SNTG2: variants seen among roughly 807,000 people sequenced by gnomAD.
The protein encoded by SNTG2 is syntrophin gamma 2, also known as gamma-2-syntrophin.
A neutral mutation model predicts 70.9 loss-of-function variants in SNTG2; 74 were observed. That is an observed-to-expected ratio of 1.04 (90% CI 0.86 to 1.27). SNTG2 has a LOEUF of 1.27. SNTG2 is among the 50% of genes most tolerant of loss of function. SNTG2 has a pLI of 0.00. For missense variants in SNTG2, 717 were observed against 690.7 expected (o/e 1.04, Z -0.43); for synonymous variants, 278 against 273.8 (o/e 1.02, Z -0.15).
At chr2:1,125,799 G>A (rs930938912) in intron 4 of SNTG2, among the ~76,000 whole-genome samples, 4 of 152,130 alleles carry the variant, frequency 2.6e-5, no homozygotes, top group African/African-American at 4.8e-5. Flanking sequence ...AGGATATGAT[G>A]ATAGAATGAA....
rs1310537566 is a variant in SNTG2 at position 1,316,844 on chromosome 2, G to C, written c.1488+469G>C. Reference sequence around the variant, plus strand: ...AGCATTTAGCATGAGGCCAGCATTGGAGAAGGCTGGGATTCTGGAGCGTTT... The same window carrying C: ...AGCATTTAGCATGAGGCCAGCATTGCAGAAGGCTGGGATTCTGGAGCGTTT... On this transcript the variant is annotated intron_variant, in intron 16 of 16. Coordinates refer to ENST00000308624, the MANE Select transcript of SNTG2 (RefSeq NM_018968.4). 2.0e-5 allele frequency among the ~76,000 whole-genome samples: 2 copies of C among 100,604 alleles called. 1 individual carries two copies. The highest frequency in any genetic ancestry group is 4.4e-5 in the Non-Finnish European group (2 of 45,672). 66.0% of individuals were successfully genotyped at this position (100,604 alleles called of 152,430 possible).
At chr2:1,192,378 G>C (rs1672649314) in intron 8 of SNTG2, among the ~76,000 whole-genome samples, 1 of 152,164 alleles carries the variant, frequency 6.6e-6, no homozygotes, top group Non-Finnish European at 1.5e-5. Flanking sequence ...TTATTACAAG[G>C]GGTGTTCCCT....
In SNTG2 at chr2:1,072,332, C is replaced by CTTTTTTTTT. The variant is rs1242829771; in HGVS notation, c.73-11182_73-11181insTTTTTTTTT. 6.0e-5 allele frequency among the ~76,000 whole-genome samples: 6 copies of CTTTTTTTTT among 100,378 alleles called. 1 individual carries two copies. Among genetic ancestry groups the CTTTTTTTTT allele is most frequent in the East Asian group, 3.0e-4 (1 of 3,382 alleles). 65.9% of individuals were successfully genotyped at this position (100,378 alleles called of 152,430 possible). A position where few individuals can be genotyped will look rare whatever the true frequency, so the allele number is the denominator to read the frequency against. On this transcript the variant is annotated intron_variant, in intron 1 of 16. Transcript: ENST00000308624. ...AGCCAGTGATTTTCTTTTTCTTTTT[C>CTTTTTTTTT]TTTTCTTTTTCTTTTTCTTTTTTTT... is the stretch of plus-strand genomic sequence containing the variant.
chr2:1,342,258 A>G (rs189354228), intron 16 of SNTG2, among the ~76,000 whole-genome samples: 99 of 152,326 alleles, frequency 6.5e-4, no homozygotes, highest in African/African-American at 2.1e-3. Context: ...TGAGGGTCCT[A>G]CATTTCAAAT....
chr2:1,162,071 CAAAAAAA>C (rs58579024), intron 6 of SNTG2, among the ~76,000 whole-genome samples: 2 of 89,800 alleles, frequency 2.2e-5, no homozygotes, highest in African/African-American at 8.7e-5. Flanking sequence ...GACTCCGTCT[CAAAAAAA>C]AAAAAAAAAA....
In SNTG2 at chr2:1,043,745, G is replaced by T. The variant is rs1324869890; in HGVS notation, c.73-39773G>T. On this transcript the variant is annotated intron_variant, in intron 1 of 16. Coordinates refer to ENST00000308624, the MANE Select transcript of SNTG2 (RefSeq NM_018968.4). Reference sequence around the variant, plus strand: ...TATAGGTAGGTGGCTTTATTTTTGGGTTCTCTAATTTGTCCCATTGGTCTG... The same window carrying T: ...TATAGGTAGGTGGCTTTATTTTTGGTTTCTCTAATTTGTCCCATTGGTCTG... 3.9e-5 allele frequency among the ~76,000 whole-genome samples: 6 copies of T among 152,048 alleles called. No individual in the cohort carries two copies. The East Asian group carries it at 9.6e-4, about 24-fold the overall frequency.
chr2:1,033,527 GGTAT>G (rs934831550), intron 1 of SNTG2, among the ~76,000 whole-genome samples: 6 of 79,362 alleles, frequency 7.6e-5, no homozygotes, highest in Non-Finnish European at 1.5e-4. Flanking sequence ...ATGGAAACAG[GGTAT>G]GTTAAAATAT....
chr2:1,320,384 T>C (rs1460991454), intron 16 of SNTG2, among the ~76,000 whole-genome samples: 1 of 151,548 alleles, frequency 6.6e-6, no homozygotes, highest in Non-Finnish European at 1.5e-5. Context: ...TACAAAAAAT[T>C]AGCCGGGCCT....
chr2:1,323,007 C>T (rs1681600424), intron 16 of SNTG2, among the ~76,000 whole-genome samples: 1 of 152,134 alleles, frequency 6.6e-6, no homozygotes, highest in Admixed American at 6.5e-5. Context: ...TTCTCAATAA[C>T]CCTGTAAATT....
intron 4 of SNTG2, among the ~76,000 whole-genome samples, chr2:1,104,088 C>T (rs192296459): frequency 2.5e-4 from 38 of 152,270 alleles, no homozygotes; most frequent in Admixed American, 1.5e-3. Flanking sequence ...GACACTGAGG[C>T]AAATATATGT....
At chr2:1,070,936 G>A (rs1056517614) in intron 1 of SNTG2, among the ~76,000 whole-genome samples, 2 of 152,174 alleles carry the variant, frequency 1.3e-5, no homozygotes, top group African/African-American at 4.8e-5. Context: ...GAACTGGCTT[G>A]CGTCCTGCCT....
intron 16 of SNTG2, among the ~76,000 whole-genome samples, chr2:1,340,149 A>C (rs1660012232): frequency 6.6e-6 from 1 of 152,250 alleles, no homozygotes; most frequent in Non-Finnish European, 1.5e-5. Flanking sequence ...GCTAACAATT[A>C]AAGCAAATCC....
At chr2:1,226,880 A>G (rs186830197) in intron 9 of SNTG2, among the ~76,000 whole-genome samples, 1 of 152,226 alleles carries the variant, frequency 6.6e-6, no homozygotes, top group Non-Finnish European at 1.5e-5. Context: ...TTCACTCATT[A>G]TGTAAAGTGA....
chr2:1,173,824 C>T (rs1247304273), intron 8 of SNTG2, among the ~76,000 whole-genome samples: 2 of 152,272 alleles, frequency 1.3e-5, no homozygotes, highest in African/African-American at 4.8e-5. Context: ...GCCTGGGCTC[C>T]AACTCCCGCA....
intron 9 of SNTG2, among the ~76,000 whole-genome samples, chr2:1,228,854 T>A (rs1037897315): frequency 6.6e-6 from 1 of 152,150 alleles, no homozygotes; most frequent in Admixed American, 6.5e-5. Context: ...TTCCTTCTGA[T>A]GTTTGGATGT....
chr2:1,295,936 C>T (rs746098318), intron 14 of SNTG2, among the ~76,000 whole-genome samples: 84 of 147,286 alleles, frequency 5.7e-4, no homozygotes, highest in Non-Finnish European at 8.6e-4. Flanking sequence ...GTGAGGCAGA[C>T]GTCACCATCG....
At chr2:981,118 C>T (rs550956030) in intron 1 of SNTG2, among the ~76,000 whole-genome samples, 77 of 152,260 alleles carry the variant, frequency 5.1e-4, no homozygotes, top group African/African-American at 1.8e-3. Flanking sequence ...ATTTTTACTA[C>T]TGTTCAGACT....
chr2:1,279,752 C>T (rs1679439508), intron 14 of SNTG2, among the ~76,000 whole-genome samples: 1 of 152,142 alleles, frequency 6.6e-6, no homozygotes, highest in South Asian at 2.1e-4. Flanking sequence ...CCAGGGTGAC[C>T]CTCTCAGGAT....
At chr2:999,169 C>T (rs1312432877) in intron 1 of SNTG2, among the ~76,000 whole-genome samples, 3 of 151,906 alleles carry the variant, frequency 2.0e-5, no homozygotes, top group Non-Finnish European at 4.4e-5. Context: ...AATGTTGATA[C>T]CATAATAAAA....
Sources: allele counts gnomAD v4.1 joint callset (sites outside exome capture counted in the v4.1 genomes callset), GRCh38; gene constraint gnomAD v4.1.1; transcripts MANE v1.5; gene names NCBI Gene and HGNC (gene_info 2026-07-23, HGNC 2026-07-21).